Variants in ZNRF3 observed in about 807,000 individuals in gnomAD.
ZNRF3 encodes the protein E3 ubiquitin-protein ligase ZNRF3.
ZNRF3 carries 23 observed loss-of-function variants against 72.5 expected under a neutral mutation model. The ratio of observed to expected loss-of-function variants is 0.32; its 90% CI spans 0.23 to 0.45. ZNRF3 has a LOEUF of 0.45. ZNRF3 is among the 20% of genes least tolerant of loss of function. The pLI, the probability that ZNRF3 is intolerant of heterozygous loss-of-function variation, is 1.00. For synonymous variants in ZNRF3, 610 were observed against 545.3 expected (o/e 1.12, Z -1.65); for missense variants, 1,169 against 1,272.1 (o/e 0.92, Z 1.23).
In ZNRF3 at chr22:29,053,562, T is replaced by TTC. The variant is rs773531608; in HGVS notation, c.2768-9_2768-8dup. On this transcript the variant is annotated splice_polypyrimidine_tract_variant and intron_variant, in intron 8 of 8. Transcript: ENST00000544604. ...TGCCAGCTCCCTCCCCTGATGATTG[T>TTC]TCTCTCTCTTTCCCAGGACCGAGAT... is the stretch of plus-strand genomic sequence containing the variant. 5 of 1,613,124 alleles carry TTC rather than the reference T, an allele frequency of 3.1e-6. No individual in the cohort carries two copies. The highest frequency in any genetic ancestry group is 1.7e-4 in the Middle Eastern group (1 of 6,056).
intron 5 of ZNRF3, 51 bp downstream of exon 5, chr22:29,044,941 CTG>C: frequency 7.6e-7 from 1 of 1,320,742 alleles, no homozygotes; most frequent in Non-Finnish European, 1.1e-6. Flanking sequence ...TGCCGTGACA[CTG>C]GGGAAAACCA....
intron 1 of ZNRF3, among the ~76,000 whole-genome samples, chr22:28,974,903 C>T (rs906252307): frequency 6.6e-6 from 1 of 152,216 alleles, no homozygotes; most frequent in Non-Finnish European, 1.5e-5. Flanking sequence ...TCCCAAAGTG[C>T]TGAGATTACA....
chr22:28,884,481 G>T (rs2033734372), intron 1 of ZNRF3, among the ~76,000 whole-genome samples: 1 of 152,236 alleles, frequency 6.6e-6, no homozygotes, highest in Non-Finnish European at 1.5e-5. Context: ...ATCCATGCAT[G>T]TTCTTTTTGG....
chr22:29,026,782 T>G (rs2036644617), intron 2 of ZNRF3: 2 of 152,242 alleles, frequency 1.3e-5, no homozygotes, highest in Admixed American at 1.3e-4. Flanking sequence ...CAAGACCTGG[T>G]GACCAGAGGA....
intron 1 of ZNRF3, among the ~76,000 whole-genome samples, chr22:28,931,083 A>G (rs1406523583): frequency 6.6e-6 from 1 of 152,184 alleles, no homozygotes; most frequent in African/African-American, 2.4e-5. Context: ...TGACATCGTG[A>G]AGATTGTGCC....
At chr22:28,951,213 T>C (rs895714875) in intron 1 of ZNRF3, among the ~76,000 whole-genome samples, 1 of 152,232 alleles carries the variant, frequency 6.6e-6, no homozygotes, top group African/African-American at 2.4e-5. Flanking sequence ...AAGGGCCCTC[T>C]TCTGGGTTGA....
At chr22:29,023,384 C>T (rs2036572145) in intron 2 of ZNRF3, among the ~76,000 whole-genome samples, 1 of 152,176 alleles carries the variant, frequency 6.6e-6, no homozygotes, top group African/African-American at 2.4e-5. Flanking sequence ...ACTAGGTGTG[C>T]TTTCATCCCA....
At position 28,951,245 on chromosome 22, in the gene ZNRF3, A is replaced by G. The variant is rs141346044; in HGVS notation, c.301-35831A>G. Among the ~76,000 whole-genome samples the G allele has an allele frequency of 2.6e-3, 394 of 152,270 alleles. 3 individuals carry two copies. Among genetic ancestry groups the G allele is most frequent in the African/African-American group, 8.8e-3 (367 of 41,550 alleles). On this transcript the variant is annotated intron_variant, in intron 1 of 8. Coordinates refer to ENST00000544604, the MANE Select transcript of ZNRF3 (RefSeq NM_001206998.2). The stretch of plus-strand genomic sequence containing the variant: ...TTGAATTGTGTCCCCCCAAATTTAT[A>G]TGTTGAAACCCTAACTCCCAGCACC...
At chr22:28,978,610 A>C (rs2035714203) in intron 1 of ZNRF3, among the ~76,000 whole-genome samples, 1 of 152,216 alleles carries the variant, frequency 6.6e-6, no homozygotes, top group Non-Finnish European at 1.5e-5. Context: ...GCAGTGCATA[A>C]AATTTTTGAT....
At chr22:28,972,070 C>T (rs2035584793) in intron 1 of ZNRF3, among the ~76,000 whole-genome samples, 1 of 152,130 alleles carries the variant, frequency 6.6e-6, no homozygotes. Context: ...TTCCTTTTCT[C>T]CCCATTTACC....
intron 1 of ZNRF3, among the ~76,000 whole-genome samples, chr22:28,965,171 A>G (rs2213645): frequency 0.47 from 71,812 of 152,014 alleles, 17,759 homozygotes; most frequent in Admixed American, 0.58. Flanking sequence ...AATTCTTTCC[A>G]TCTTTGTTGC....
chr22:28,961,160 G>T (rs866348180), intron 1 of ZNRF3, among the ~76,000 whole-genome samples: 2 of 152,110 alleles, frequency 1.3e-5, no homozygotes, highest in African/African-American at 2.4e-5. Context: ...GCACAAAAGG[G>T]TCAACTCTTC....
At chr22:29,010,756 G>A (rs534962452) in intron 2 of ZNRF3, among the ~76,000 whole-genome samples, 2 of 152,222 alleles carry the variant, frequency 1.3e-5, no homozygotes, top group East Asian at 1.9e-4. Flanking sequence ...TGCAACCTCC[G>A]CCTCCCAGGT....
chr22:29,049,670 C>A lies in ZNRF3; in HGVS notation c.1489C>A (p.Arg497Ser), dbSNP rs781216220. ...PPSLAPRGPA[R>S]AFPPSGSGSL... Reference sequence around the variant, plus strand: ...TAGCCTCGCACCCCGGGGCCCGGCCCGTGCCTTTCCTCCGAGCGGCAGTGG... The same window carrying A: ...TAGCCTCGCACCCCGGGGCCCGGCCAGTGCCTTTCCTCCGAGCGGCAGTGG... The change falls in exon 8 of 9, where the codon CGT becomes AGT. Residue 497 changes from arginine (R) to serine (S), a missense_variant. This residue lies in a region of ZNRF3 where 783 missense variants were observed against 731.4 expected (regional missense o/e 1.07). Transcript: ENST00000544604. This position sits in a 1 kb window ranked among gnomAD's most constrained non-coding sequence, Gnocchi z 5.2. 5 of 1,608,926 alleles carry A rather than the reference C, an allele frequency of 3.1e-6. No individual in the cohort carries two copies. The African/African-American group carries it at 6.7e-5, about 21-fold the overall frequency.
chr22:29,053,373 C>G (rs1048992546), intron 8 of ZNRF3, among the ~76,000 whole-genome samples: 4 of 152,208 alleles, frequency 2.6e-5, no homozygotes, highest in African/African-American at 9.7e-5. Flanking sequence ...CTAGAAAGCT[C>G]TCTACATCCA....
chr22:28,922,842 T>C (rs1452417747), intron 1 of ZNRF3, among the ~76,000 whole-genome samples: 2 of 152,190 alleles, frequency 1.3e-5, no homozygotes, highest in Admixed American at 1.3e-4. Flanking sequence ...CTTTTCCTTC[T>C]TAGCATTTTT....
intron 1 of ZNRF3, among the ~76,000 whole-genome samples, chr22:28,914,174 T>C (rs1373844859): frequency 6.6e-6 from 1 of 152,210 alleles, no homozygotes; most frequent in African/African-American, 2.4e-5. Flanking sequence ...AGGCCCCCAC[T>C]GCTGGGTTGG....
chr22:29,037,391 C>T (rs1244153329), intron 2 of ZNRF3, among the ~76,000 whole-genome samples: 1 of 152,190 alleles, frequency 6.6e-6, no homozygotes, highest in Non-Finnish European at 1.5e-5. Flanking sequence ...TGCACTGGAA[C>T]ATTCTAGACT....
intron 5 of ZNRF3, among the ~76,000 whole-genome samples, chr22:29,046,039 G>GT (rs970451048): frequency 1.8e-4 from 28 of 152,300 alleles, no homozygotes; most frequent in African/African-American, 6.7e-4. Context: ...CACCTACACA[G>GT]TATACCAGGC....
Sources: gnomAD v4.1 joint callset for allele counts (sites outside exome capture counted in the v4.1 genomes callset) on GRCh38, gnomAD v4.1.1 for gene constraint, gnomAD v4.1.1 regional missense constraint, Gnocchi (gnomAD v3.1) non-coding constraint, MANE v1.5 for transcripts, NCBI Gene and HGNC (gene_info 2026-07-23, HGNC 2026-07-21) for gene names.